Variants in FKBP1B observed in about 807,000 individuals in gnomAD.
FKBP1B encodes FKBP prolyl isomerase 1B.
In FKBP1B, 4 loss-of-function variants were observed where a neutral mutation model predicts 13.5. That is an observed-to-expected ratio of 0.30 (90% CI 0.15 to 0.68). The LOEUF (loss-of-function observed/expected upper bound fraction) is 0.68, where lower values mean the gene tolerates loss of function less well. Among genes scored for constraint, FKBP1B ranks in the 30% least tolerant of loss-of-function variants. The pLI is 0.76. For missense variants in FKBP1B, 93 were observed against 136.2 expected (o/e 0.68, Z 1.58); for synonymous variants, 54 against 53.6 (o/e 1.01, Z -0.03).
intron 2 of FKBP1B, among the ~76,000 whole-genome samples, chr2:24,059,371 C>CCGG (rs1664276583): frequency 1.0e-5 from 1 of 99,956 alleles, no homozygotes; most frequent in African/African-American, 5.1e-5. Flanking sequence ...GGACCAGCAC[C>CCGG]TGGGGGGGGG....
chr2:24,062,949 C>G, intron 3 of FKBP1B, 115 bp from the exon 4 acceptor site: 1 of 1,471,390 alleles, frequency 6.8e-7, no homozygotes, highest in Non-Finnish European at 9.4e-7. Flanking sequence ...CATCTGAGAT[C>G]TTCAGAGTTA....
chr2:24,034,251 T>A, the FKBP1B span, among the ~76,000 whole-genome samples: 2 of 152,094 alleles, frequency 1.3e-5, no homozygotes, highest in Non-Finnish European at 2.9e-5. Context: ...TGAAACCCCA[T>A]CTCTACTATA....
the FKBP1B span, among the ~76,000 whole-genome samples, chr2:24,043,779 C>T: frequency 1.1e-4 from 16 of 152,104 alleles, no homozygotes; most frequent in African/African-American, 3.9e-4. Flanking sequence ...TGTCTTCAGA[C>T]TCTAAATCCA....
chr2:24,042,923 C>T, the FKBP1B span, among the ~76,000 whole-genome samples: 6 of 151,174 alleles, frequency 4.0e-5, no homozygotes, highest in African/African-American at 9.7e-5. Flanking sequence ...ATTCCAGCTA[C>T]TCAGGAGGCT....
chr2:24,034,574 CTTTTTTT>C, the FKBP1B span, among the ~76,000 whole-genome samples: 2 of 138,066 alleles, frequency 1.4e-5, no homozygotes, highest in African/African-American at 5.3e-5. Context: ...GGCAACAAAA[CTTTTTTT>C]TTTTTTTTTT....
the FKBP1B span, among the ~76,000 whole-genome samples, chr2:24,036,883 C>T: frequency 3.3e-5 from 5 of 152,038 alleles, no homozygotes; most frequent in African/African-American, 4.8e-5. Context: ...CTGGTTACAG[C>T]GGATTAAGGG....
the FKBP1B span, among the ~76,000 whole-genome samples, chr2:24,043,299 G>C: frequency 6.6e-6 from 1 of 152,160 alleles, no homozygotes; most frequent in Non-Finnish European, 1.5e-5. Flanking sequence ...TGGCACCACT[G>C]CACTGTAGCC....
the FKBP1B span, among the ~76,000 whole-genome samples, chr2:24,040,466 A>G: frequency 6.6e-6 from 1 of 152,190 alleles, no homozygotes; most frequent in African/African-American, 2.4e-5. Flanking sequence ...CTCTGACTTT[A>G]TTAGCACTTA....
chr2:24,053,193 C>T (rs1460454055), intron 1 of FKBP1B, among the ~76,000 whole-genome samples: 2 of 151,922 alleles, frequency 1.3e-5, no homozygotes, highest in African/African-American at 2.4e-5. Flanking sequence ...CTCACTGCAG[C>T]CTTGACCTCC....
At chr2:24,036,217 G>C in the FKBP1B span, among the ~76,000 whole-genome samples, 31 of 151,124 alleles carry the variant, frequency 2.1e-4, 3 homozygotes, top group Admixed American at 2.0e-3. Flanking sequence ...AAAAAATGTA[G>C]GGTTGGGGCC....
the FKBP1B span, chr2:24,039,533 A>T: frequency 6.3e-7 from 1 of 1,590,306 alleles, no homozygotes; most frequent in Non-Finnish European, 8.6e-7. Flanking sequence ...TAAGAAGGAA[A>T]GTTACACCAT....
intron 3 of FKBP1B, among the ~76,000 whole-genome samples, chr2:24,062,824 C>T (rs1664456604): frequency 6.6e-6 from 1 of 152,208 alleles, no homozygotes; most frequent in African/African-American, 2.4e-5. Context: ...TTGTCAGATG[C>T]ATGAATTTGA....
At chr2:24,038,766 A>G in the FKBP1B span, 1 of 1,614,192 alleles carries the variant, frequency 6.2e-7, no homozygotes, top group Non-Finnish European at 8.5e-7. Context: ...TCATGTCTTT[A>G]CTGTTAGGTG....
chr2:24,046,524 A>C (rs1037567763), upstream of FKBP1B, among the ~76,000 whole-genome samples: 3 of 152,232 alleles, frequency 2.0e-5, no homozygotes, highest in African/African-American at 7.2e-5. Flanking sequence ...GCCGGTGCTC[A>C]GTATATAACC....
chr2:24,039,096 A>T, the FKBP1B span: 2 of 1,614,218 alleles, frequency 1.2e-6, no homozygotes, highest in Non-Finnish European at 1.7e-6. Context: ...AGACATCCTG[A>T]GCAGTCAACA....
intron 2 of FKBP1B, among the ~76,000 whole-genome samples, chr2:24,056,618 G>C (rs943410185): frequency 5.3e-5 from 8 of 152,046 alleles, no homozygotes; most frequent in Non-Finnish European, 1.2e-4. Flanking sequence ...ACCTTTTCAT[G>C]TGCCTACTGG....
At chr2:24,038,995 T>C in the FKBP1B span, 1 of 1,614,088 alleles carries the variant, frequency 6.2e-7, no homozygotes, top group Non-Finnish European at 8.5e-7. Flanking sequence ...CCTCAGGCCA[T>C]CCTGGGTCCA....
chr2:24,048,394 C>G (rs371649101), upstream of FKBP1B, among the ~76,000 whole-genome samples: 1,073 of 150,378 alleles, frequency 7.1e-3, 11 homozygotes, highest in African/African-American at 0.025. Flanking sequence ...TCGCTTGAAC[C>G]TGGGAGGCGG....
At chr2:24,060,714 G>A in intron 2 of FKBP1B, 100 bp from the exon 3 acceptor site, 2 of 802,668 alleles carry the variant, frequency 2.5e-6, no homozygotes, top group Non-Finnish European at 4.2e-6. Context: ...AAGAGGAGCA[G>A]GTGTGTGCAG....
Sources: gnomAD v4.1 joint callset for allele counts (sites outside exome capture counted in the v4.1 genomes callset) on GRCh38, gnomAD v4.1.1 for gene constraint, MANE v1.5 for transcripts, NCBI Gene and HGNC (gene_info 2026-07-23, HGNC 2026-07-21) for gene names.